Variants in PPM1G observed in about 807,000 individuals in gnomAD.
PPM1G encodes the protein protein phosphatase 1G.
PPM1G carries 12 observed loss-of-function variants against 59.4 expected under a neutral mutation model. The observed-to-expected ratio is 0.20, with a 90% confidence interval of 0.13 to 0.33. The LOEUF (loss-of-function observed/expected upper bound fraction) is 0.33. PPM1G is among the 10% of genes least tolerant of loss of function. The pLI is 1.00. For synonymous variants in PPM1G, 245 were observed against 251.9 expected, an observed-to-expected ratio of 0.97 and a Z score of 0.26; for missense variants, 392 against 681.3, an observed-to-expected ratio of 0.58 and a Z score of 4.73.
chr2:27,405,471 T>C (rs895794587), intron 1 of PPM1G, among the ~76,000 whole-genome samples: 1 of 151,880 alleles, frequency 6.6e-6, no homozygotes, highest in Non-Finnish European at 1.5e-5. Context: ...GTTTGTTTTT[T>C]TGAGACGGAG....
At chr2:27,398,586 G>A (rs1254090939) in intron 1 of PPM1G, among the ~76,000 whole-genome samples, 1 of 152,148 alleles carries the variant, frequency 6.6e-6, no homozygotes, top group Non-Finnish European at 1.5e-5. Flanking sequence ...CACTTTGGGA[G>A]GCCCAGGCGG....
chr2:27,402,903 T>A lies in PPM1G; in HGVS notation c.120+6400A>T, dbSNP rs1432624282. ...CAGCCTGGGCAACACTGCAAGGCCC[T>A]ATCTCTACAAAAAAAAACTTAAAAA... On this transcript the variant is annotated intron_variant, in intron 1 of 9. Transcript: ENST00000344034. 5.1e-4 allele frequency among the ~76,000 whole-genome samples: 71 copies of A among 140,394 alleles called. 1 individual carries two copies. The highest frequency in any genetic ancestry group is 2.3e-4 in the Non-Finnish European group (15 of 65,436). The allele number at this position is 140,394 out of a possible 152,430, so 92.1% of individuals were successfully genotyped here. A position where few individuals can be genotyped will look rare whatever the true frequency, so the allele number is the denominator to read the frequency against.
intron 1 of PPM1G, among the ~76,000 whole-genome samples, chr2:27,387,650 G>A (rs547344341): frequency 1.3e-4 from 20 of 152,062 alleles, no homozygotes; most frequent in Non-Finnish European, 2.1e-4. Flanking sequence ...ACAGGCATGT[G>A]CCACCATGCC....
At position 27,383,825 on chromosome 2, in the gene PPM1G, A is replaced by G; in HGVS notation, c.966+127T>C. On this transcript the variant is annotated intron_variant, in intron 6 of 9. Transcript: ENST00000344034. This position sits in a 1 kb window ranked among gnomAD's most constrained non-coding sequence, Gnocchi z 5.0. ...CTTACCATCTCATTCCCCTTGCAGA[A>G]TAAATCCCCATGACTATTACTTCCA... is the stretch of plus-strand genomic sequence containing the variant. 1 of 1,409,470 alleles carries G rather than the reference A, an allele frequency of 7.1e-7. No homozygotes were observed. 87.3% of individuals were successfully genotyped at this position (1,409,470 alleles called of 1,614,324 possible). A position where few individuals can be genotyped will look rare whatever the true frequency, so the allele number is the denominator to read the frequency against.
chr2:27,381,250 AGAGCGGGT>A lies in PPM1G; in HGVS notation c.*341_*348del, dbSNP rs1683615324. The A allele has an allele frequency of 2.6e-6, 1 of 378,574 alleles. No individual in the cohort carries two copies. The highest frequency in any genetic ancestry group is 2.0e-5 in the African/African-American group (1 of 49,074). The allele number at this position is 378,574 out of a possible 1,614,324, so 23.5% of individuals were successfully genotyped here. A position where few individuals can be genotyped will look rare whatever the true frequency, so the allele number is the denominator to read the frequency against. ...AGTGTTGATTGAAAGTGTACAACAGAGAGCGGGTGCAAGCGGCCGAGGGCCATGGAGCC... is the reference window on the plus strand; with the variant it reads ...AGTGTTGATTGAAAGTGTACAACAGAGCAAGCGGCCGAGGGCCATGGAGCC... On this transcript the variant is annotated 3_prime_UTR_variant, in exon 10 of 10. Transcript: ENST00000344034.
In PPM1G at chr2:27,385,604, A is replaced by G; in HGVS notation, c.409+143T>C. The G allele has an allele frequency of 9.5e-7, 1 of 1,050,384 alleles. No homozygotes were observed. The allele number at this position is 1,050,384 out of a possible 1,614,324, so 65.1% of individuals were successfully genotyped here. A position where few individuals can be genotyped will look rare whatever the true frequency, so the allele number is the denominator to read the frequency against. On this transcript the variant is annotated intron_variant, in intron 4 of 9. Transcript: ENST00000344034. This position sits in a 1 kb window ranked among gnomAD's most constrained non-coding sequence, Gnocchi z 4.1. ...TCCCTCCTTTTCATAACCACATACA[A>G]TGCAGGAGAACATCATAGGTTTCTT...
rs148396001 is a variant in PPM1G at position 27,391,692 on chromosome 2, A to T, written c.121-4534T>A. On this transcript the variant is annotated intron_variant, in intron 1 of 9. Coordinates refer to ENST00000344034, the MANE Select transcript of PPM1G (RefSeq NM_177983.3). ...GATCTCTTGGATTCTGTGTAGTTCT[A>T]TACCTCTGACTGCCTGTTTCTACAG... Among the ~76,000 whole-genome samples, 220 of 148,832 alleles carry T rather than the reference A, an allele frequency of 1.5e-3. 2 individuals are homozygous for T. Among genetic ancestry groups the T allele is most frequent in the African/African-American group, 5.3e-3 (214 of 40,610 alleles).
chr2:27,384,637 C>A lies in PPM1G; in HGVS notation c.825+36G>T, dbSNP rs1647283. 9.9e-4 allele frequency: 1,549 copies of A among 1,561,006 alleles called. 11 individuals are homozygous for A. In the African/African-American group the frequency reaches 0.019, roughly 19 times the overall value. On this transcript the variant is annotated intron_variant, in intron 5 of 9. Transcript: ENST00000344034. This position sits in a 1 kb window ranked among gnomAD's most constrained non-coding sequence, Gnocchi z 4.8. The stretch of plus-strand genomic sequence containing the variant: ...ACGGCAACCAAACAGGACCTCTCTG[C>A]AACTTCAGCATCTGCCTGCCCTCAC...
intron 1 of PPM1G, among the ~76,000 whole-genome samples, chr2:27,407,664 C>T (rs979765869): frequency 1.3e-5 from 2 of 152,160 alleles, no homozygotes; most frequent in Admixed American, 1.3e-4. Context: ...AGATGATTAA[C>T]AATGTCTAGT....
intron 1 of PPM1G, among the ~76,000 whole-genome samples, chr2:27,408,200 T>A (rs1449519754): frequency 6.6e-6 from 1 of 152,210 alleles, no homozygotes; most frequent in Non-Finnish European, 1.5e-5. Flanking sequence ...CATACTGTCA[T>A]TCCAGAGCTA....
intron 1 of PPM1G, among the ~76,000 whole-genome samples, chr2:27,399,357 T>C (rs1684129459): frequency 6.6e-6 from 1 of 151,980 alleles, no homozygotes; most frequent in South Asian, 2.1e-4. Flanking sequence ...GATACACAAA[T>C]GTCCAATAAG....
At chr2:27,396,739 C>T (rs1684062385) in intron 1 of PPM1G, among the ~76,000 whole-genome samples, 1 of 149,246 alleles carries the variant, frequency 6.7e-6, no homozygotes. Context: ...CTCTTGAGCC[C>T]AGGTGGCAGA....
intron 1 of PPM1G, among the ~76,000 whole-genome samples, chr2:27,390,827 C>A (rs993467090): frequency 5.3e-5 from 8 of 151,664 alleles, no homozygotes; most frequent in Non-Finnish European, 1.2e-4. Context: ...CACCCCCACC[C>A]TGCCGCACCA....
At chr2:27,400,165 G>A (rs940410610) in intron 1 of PPM1G, among the ~76,000 whole-genome samples, 6 of 152,150 alleles carry the variant, frequency 3.9e-5, no homozygotes, top group Non-Finnish European at 7.3e-5. Context: ...GGGAGGCCGA[G>A]GCAGGCGGAT....
chr2:27,393,048 A>G, intron 1 of PPM1G: 2 of 1,343,524 alleles, frequency 1.5e-6, no homozygotes, highest in Non-Finnish European at 2.1e-6. Context: ...TTTTTTCCAA[A>G]TGTAATCCAT....
Position 27,385,797 on chromosome 2 carries a change from C to T in PPM1G, c.359G>A (p.Arg120Gln), listed in dbSNP as rs1466684553. 4 of 1,614,094 alleles carry T rather than the reference C, an allele frequency of 2.5e-6. No individual in the cohort carries two copies. Among genetic ancestry groups the T allele is most frequent in the African/African-American group, 1.3e-5 (1 of 75,044 alleles). The stretch of plus-strand genomic sequence containing the variant: ...TTTTTCATCTTCATCCTCAGTGGGT[C>T]GCCCTGCAATCTGTGCCAGCTCTTT... ...VIKELAQIAG[R>Q]PTEDEDEKEK... is the part of the protein sequence containing the mutation. Residue 120 changes from arginine (R) to glutamine (Q), a missense_variant, in exon 4 of 10, where the codon CGA becomes CAA. Around this residue, in one of 6 missense-constraint regions of PPM1G, gnomAD observed 188 missense variants for 248.8 expected, o/e 0.76. Coordinates refer to ENST00000344034, the MANE Select transcript of PPM1G (RefSeq NM_177983.3). This position sits in a 1 kb window ranked among gnomAD's most constrained non-coding sequence, Gnocchi z 4.1.
chr2:27,391,218 G>C lies in PPM1G; in HGVS notation c.121-4060C>G, dbSNP rs115692244. Among the ~76,000 whole-genome samples the C allele has an allele frequency of 3.5e-3, 537 of 152,300 alleles. 4 individuals carry two copies. The highest frequency in any genetic ancestry group is 5.7e-3 in the Non-Finnish European group (386 of 68,036). On this transcript the variant is annotated intron_variant, in intron 1 of 9. Transcript: ENST00000344034. ...GTATATCCAGCCATCAGATTGCTGG[G>C]TCTAATGGTAGTTCCACTCTTAGTT...
intron 1 of PPM1G, among the ~76,000 whole-genome samples, chr2:27,390,419 T>C (rs1173358908): frequency 6.6e-6 from 1 of 152,186 alleles, no homozygotes; most frequent in Non-Finnish European, 1.5e-5. Flanking sequence ...GAGAATGTAA[T>C]AACCTTAACA....
chr2:27,390,650 TTTTA>T (rs948520955), intron 1 of PPM1G, among the ~76,000 whole-genome samples: 35 of 152,210 alleles, frequency 2.3e-4, no homozygotes, highest in Non-Finnish European at 4.6e-4. Flanking sequence ...TCAGTTTTTT[TTTTA>T]TTTTTCAATG....
Sources: allele counts gnomAD v4.1 joint callset (sites outside exome capture counted in the v4.1 genomes callset), GRCh38; gene constraint gnomAD v4.1.1; regional missense constraint gnomAD v4.1.1; non-coding constraint Gnocchi (gnomAD v3.1); transcripts MANE v1.5; gene names NCBI Gene and HGNC (gene_info 2026-07-23, HGNC 2026-07-21).